The following TTLL1 variants were observed in gnomAD, a reference collection of about 807,000 sequenced individuals.
TTLL1 encodes TTL family tubulin polyglutamylase complex subunit L1.
TTLL1 carries 33 observed loss-of-function variants against 47.8 expected under a neutral mutation model. The ratio of observed to expected loss-of-function variants is 0.69; its 90% CI spans 0.52 to 0.92. The LOEUF (loss-of-function observed/expected upper bound fraction) is 0.92, where lower values mean the gene tolerates loss of function less well. TTLL1 is among the 40% of genes least tolerant of loss of function. The pLI is 0.00. For missense variants in TTLL1, 488 were observed against 547.5 expected (o/e 0.89, Z 1.08); for synonymous variants, 225 against 214.1 (o/e 1.05, Z -0.45).
chr22:43,077,273 C>G (rs12168907), intron 2 of TTLL1, among the ~76,000 whole-genome samples: 1,567 of 152,268 alleles, frequency 0.01, 27 homozygotes, highest in African/African-American at 0.036. Flanking sequence ...TGCCCACTCT[C>G]TCTCCTGCCA....
intron 1 of TTLL1, among the ~76,000 whole-genome samples, chr22:43,081,406 C>T (rs1436547521): frequency 6.6e-6 from 1 of 152,122 alleles, no homozygotes; most frequent in African/African-American, 2.4e-5. Context: ...TTGACAGTCG[C>T]TCCCATAGAG....
chr22:43,060,677 C>G (rs1040431), intron 7 of TTLL1, among the ~76,000 whole-genome samples: 87,275 of 152,106 alleles, frequency 0.57, 26,734 homozygotes, highest in East Asian at 0.79. Flanking sequence ...TCTGATGCCA[C>G]TTCTGAGCTC....
At chr22:43,046,953 G>T (rs190069835) in intron 9 of TTLL1, among the ~76,000 whole-genome samples, 118 of 152,250 alleles carry the variant, frequency 7.8e-4, no homozygotes, top group African/African-American at 2.8e-3. Context: ...TTACAGGCGT[G>T]AGCCACCACA....
chr22:43,072,263 CCT>C (rs893855553), intron 3 of TTLL1, among the ~76,000 whole-genome samples: 3 of 151,106 alleles, frequency 2.0e-5, no homozygotes, highest in African/African-American at 7.3e-5. Context: ...ACGCCATTCT[CCT>C]GTCTCAGCCT....
Position 43,039,580 on chromosome 22 carries a change from G to A in TTLL1, c.*196C>T, listed in dbSNP as rs200451924. The A allele has an allele frequency of 2.8e-5, 13 of 472,396 alleles. No homozygotes were observed. The highest frequency in any genetic ancestry group is 2.0e-4 in the African/African-American group (8 of 40,938). The allele number at this position is 472,396 out of a possible 1,614,324, so 29.3% of individuals were successfully genotyped here. On this transcript the variant is annotated 3_prime_UTR_variant, in exon 11 of 11. Coordinates refer to ENST00000266254, the MANE Select transcript of TTLL1 (RefSeq NM_012263.5). ...CTTAGGTTAAAAATTAAAAAAAAAA[G>A]AGCGAGTTTTATACATCCGCATGAA...
chr22:43,069,812 C>G lies in TTLL1; in HGVS notation c.146G>C (p.Ser49Thr), dbSNP rs1569437678. 1.9e-6 allele frequency: 3 copies of G among 1,614,206 alleles called. No homozygotes were observed. The highest frequency in any genetic ancestry group is 3.3e-5 in the Admixed American group (2 of 60,008). Residue 49 changes from serine to threonine, a missense_variant, in exon 4 of 11, where the codon AGC becomes ACC. Ser to Thr is a moderately conservative substitution (Grantham distance 58). Transcript: ENST00000266254. The part of the protein sequence containing the change: ...MSVQTIRNVF[S>T]VEAGYRLSDD... ...TGAGAGCCGATATCCAGCTTCAACG[C>G]TGAACACATTTCGGATGGTTTGCAC...
intron 1 of TTLL1, among the ~76,000 whole-genome samples, chr22:43,080,345 G>A (rs1453737588): frequency 6.6e-6 from 1 of 152,206 alleles, no homozygotes; most frequent in Admixed American, 6.5e-5. Context: ...GTGAGCCACC[G>A]CGCCTGGCCT....
At position 43,068,121 on chromosome 22, in the gene TTLL1, C is replaced by T. The variant is rs570569516; in HGVS notation, c.503+289G>A. 8.3e-5 allele frequency among the ~76,000 whole-genome samples: 12 copies of T among 144,416 alleles called. No individual in the cohort carries two copies. In the South Asian group the frequency reaches 2.7e-3, roughly 32 times the overall value. The allele number at this position is 144,416 out of a possible 152,430, so 94.7% of individuals were successfully genotyped here. A position where few individuals can be genotyped will look rare whatever the true frequency, so the allele number is the denominator to read the frequency against. ...GAGCCACCATGCCCAGCCGCAAAAC[C>T]CCATCTCTATTTAAAAAAAAAAAAC... On this transcript the variant is annotated intron_variant, in intron 5 of 10. Coordinates refer to ENST00000266254, the MANE Select transcript of TTLL1 (RefSeq NM_012263.5).
At chr22:43,079,622 C>A (rs1354702556) in intron 2 of TTLL1, among the ~76,000 whole-genome samples, 1 of 152,222 alleles carries the variant, frequency 6.6e-6, no homozygotes, top group East Asian at 1.9e-4. Context: ...GACCTCACAC[C>A]AGCCACTGAC....
rs770176370 is a variant in TTLL1 at position 43,064,294 on chromosome 22, G to A, written c.534C>T (p.Tyr178=). ...GGTTGTTAATATAGAGAGAGATCACGTAGGCTTCCTTATTAGATTGAGACA... is the reference window on the plus strand; with the variant it reads ...GGTTGTTAATATAGAGAGAGATCACATAGGCTTCCTTATTAGATTGAGACA... ...SFVSQSNKEA[Y]VISLYINNPL... Residue 178 remains tyrosine (Y), a synonymous_variant, in exon 6 of 11, where the codon TAC becomes TAT. Coordinates refer to ENST00000266254, the MANE Select transcript of TTLL1 (RefSeq NM_012263.5). 96 of 1,613,308 alleles carry A rather than the reference G, an allele frequency of 6.0e-5. No homozygotes were observed. Among genetic ancestry groups the A allele is most frequent in the East Asian group, 4.5e-4 (20 of 44,894 alleles).
intron 9 of TTLL1, among the ~76,000 whole-genome samples, chr22:43,048,102 G>C (rs576343750): frequency 6.6e-6 from 1 of 152,164 alleles, no homozygotes; most frequent in South Asian, 2.1e-4. Context: ...TGGATCACAA[G>C]GTCAAGAGTT....
At chr22:43,078,241 A>G (rs1006258908) in intron 2 of TTLL1, among the ~76,000 whole-genome samples, 1 of 152,102 alleles carries the variant, frequency 6.6e-6, no homozygotes, top group African/African-American at 2.4e-5. Context: ...CATGTCTACA[A>G]TCCCAGCACT....
intron 1 of TTLL1, among the ~76,000 whole-genome samples, chr22:43,080,902 CTTTTTTTTTTTTTTTTTTTTT>C (rs10529079): frequency 1.4e-5 from 1 of 69,284 alleles, no homozygotes; most frequent in African/African-American, 5.7e-5. Flanking sequence ...TGTTGCATGA[CTTTTTTTTTTTTTTTTTTTTT>C]TTTTTTTTTT....
chr22:43,068,323 A>G (rs540482295), intron 5 of TTLL1, 87 bp downstream of exon 5: 367 of 1,250,776 alleles, frequency 2.9e-4, no homozygotes, highest in Non-Finnish European at 3.7e-4. Context: ...TCAAAAAAAA[A>G]CCAAACAAAA....
intron 1 of TTLL1, among the ~76,000 whole-genome samples, chr22:43,080,449 C>T (rs1010214582): frequency 3.3e-5 from 5 of 152,114 alleles, no homozygotes; most frequent in African/African-American, 1.2e-4. Flanking sequence ...CCAAAAGATG[C>T]TCTTAAGAGT....
At chr22:43,047,927 T>C (rs952763148) in intron 9 of TTLL1, among the ~76,000 whole-genome samples, 7 of 152,216 alleles carry the variant, frequency 4.6e-5, no homozygotes, top group African/African-American at 1.7e-4. Context: ...GAATATGTAC[T>C]GTGCCAAAGA....
chr22:43,083,857 G>T (rs77707308), intron 1 of TTLL1, among the ~76,000 whole-genome samples: 1,823 of 152,000 alleles, frequency 0.012, 40 homozygotes, highest in African/African-American at 0.042. Context: ...CAAAATTCTT[G>T]ATTTAATTAA....
At chr22:43,046,639 T>G in intron 9 of TTLL1, 66 bp from the exon 10 acceptor site, 85 of 1,497,896 alleles carry the variant, frequency 5.7e-5, no homozygotes, top group Non-Finnish European at 7.2e-5. Flanking sequence ...AAATGTGCAC[T>G]GCAGAAGGAG....
chr22:43,074,762 G>A (rs945510456), intron 3 of TTLL1, among the ~76,000 whole-genome samples: 4 of 152,170 alleles, frequency 2.6e-5, no homozygotes, highest in South Asian at 4.2e-4. Context: ...ATTCATGGCC[G>A]GACATGGTGG....
Sources: allele counts gnomAD v4.1 joint callset (sites outside exome capture counted in the v4.1 genomes callset), GRCh38; gene constraint gnomAD v4.1.1; transcripts MANE v1.5; gene names NCBI Gene and HGNC (gene_info 2026-07-23, HGNC 2026-07-21).